The following JAKMIP1 variants were observed in gnomAD, a reference collection of about 807,000 sequenced individuals.
JAKMIP1 encodes janus kinase and microtubule-interacting protein 1.
In JAKMIP1, 33 loss-of-function variants were observed where a neutral mutation model predicts 113.0. That is an observed-to-expected ratio of 0.29 (90% confidence interval 0.22 to 0.39). The LOEUF is 0.39. Among genes scored for constraint, JAKMIP1 ranks in the 10% least tolerant of loss-of-function variants. JAKMIP1 has a pLI of 1.00. For missense variants in JAKMIP1, 813 were observed against 1,080.5 expected (o/e 0.75, Z 3.47); for synonymous variants, 480 against 459.9 (o/e 1.04, Z -0.56).
At chr4:6,148,718 T>A (rs1235118799) in intron 1 of JAKMIP1, among the ~76,000 whole-genome samples, 1 of 152,234 alleles carries the variant, frequency 6.6e-6, no homozygotes. Context: ...TGTTTATCAC[T>A]GTGCCTCCAA....
At position 6,059,429 on chromosome 4, in the gene JAKMIP1, C is replaced by T. The variant is rs374304486; in HGVS notation, c.1644+995G>A. 5.3e-4 allele frequency among the ~76,000 whole-genome samples: 80 copies of T among 152,268 alleles called. 1 individual carries two copies. Among genetic ancestry groups the T allele is most frequent in the African/African-American group, 1.8e-3 (74 of 41,568 alleles). On this transcript the variant is annotated intron_variant, in intron 11 of 20. Transcript: ENST00000409021. This position sits in a 1 kb window ranked among gnomAD's most constrained non-coding sequence, Gnocchi z 4.8. ...CCTCTTACACCCCTTGCTTCACACC[C>T]GCCTCCTCCCACTGTATCCCACCAG...
At chr4:6,132,400 G>C (rs1718624317) in intron 1 of JAKMIP1, among the ~76,000 whole-genome samples, 1 of 152,224 alleles carries the variant, frequency 6.6e-6, no homozygotes, top group South Asian at 2.1e-4. Context: ...CTAGCACTTT[G>C]GGAGGCCGAG....
At chr4:6,092,160 C>T (rs1042849330) in intron 3 of JAKMIP1, among the ~76,000 whole-genome samples, 1 of 152,138 alleles carries the variant, frequency 6.6e-6, no homozygotes, top group African/African-American at 2.4e-5. Flanking sequence ...ACTGGGTGTC[C>T]CGCCCCCTCC....
At chr4:6,085,067 G>A (rs1417358872) in intron 4 of JAKMIP1, 102 bp from the exon 5 acceptor site, 14 of 1,379,252 alleles carry the variant, frequency 1.0e-5, no homozygotes, top group Non-Finnish European at 3.9e-6. Flanking sequence ...TAATGGGTGA[G>A]ATCCTTATTC....
rs555456511 is a variant in JAKMIP1 at position 6,128,384 on chromosome 4, G to C, written c.-147-15387C>G. The stretch of plus-strand genomic sequence containing the variant: ...TGTTCTCCAAATGGGTGGACAGAAG[G>C]CCACCTGCTTCCGTAGCTGGGGCCC... On this transcript the variant is annotated intron_variant, in intron 1 of 20. Coordinates refer to ENST00000409021, the MANE Select transcript of JAKMIP1 (RefSeq NM_001099433.2). Among the ~76,000 whole-genome samples the C allele has an allele frequency of 8.7e-4, 133 of 152,254 alleles. 5 individuals are homozygous for C. The South Asian group carries it at 0.027, about 31-fold the overall frequency.
intron 9 of JAKMIP1, among the ~76,000 whole-genome samples, chr4:6,062,844 G>T (rs1236558056): frequency 6.6e-6 from 1 of 152,232 alleles, no homozygotes; most frequent in East Asian, 1.9e-4. Context: ...CTCCCATTCT[G>T]GGAATTTATC....
At chr4:6,130,818 A>G (rs1297503626) in intron 1 of JAKMIP1, among the ~76,000 whole-genome samples, 2 of 152,142 alleles carry the variant, frequency 1.3e-5, no homozygotes, top group Non-Finnish European at 2.9e-5. Flanking sequence ...ACGTCAATAG[A>G]ATATTTCCTA....
chr4:6,028,622 T>A (rs2108740239), intron 20 of JAKMIP1, among the ~76,000 whole-genome samples: 1 of 152,292 alleles, frequency 6.6e-6, no homozygotes, highest in Non-Finnish European at 1.5e-5. Flanking sequence ...CCCTGGTTTG[T>A]CCCTGAAATA....
chr4:6,083,971 A>G lies in JAKMIP1; in HGVS notation c.954+875T>C, dbSNP rs185290135. Among the ~76,000 whole-genome samples, 56 of 152,338 alleles carry G rather than the reference A, an allele frequency of 3.7e-4. No homozygotes were observed. In the East Asian group the frequency reaches 0.011, roughly 29 times the overall value. On this transcript the variant is annotated intron_variant, in intron 5 of 20. Transcript: ENST00000409021. ...TACAAGTATATAAAATTTTATGCAAAAAAGTAAATACATAAGCACAAATTA... is the reference window on the plus strand; with the variant it reads ...TACAAGTATATAAAATTTTATGCAAGAAAGTAAATACATAAGCACAAATTA...
chr4:6,106,351 G>A lies in JAKMIP1; in HGVS notation c.130-384C>T, dbSNP rs1235420278. Among the ~76,000 whole-genome samples, 1 of 151,988 alleles carries A rather than the reference G, an allele frequency of 6.6e-6. No individual in the cohort carries two copies. The highest frequency in any genetic ancestry group is 2.1e-4 in the South Asian group (1 of 4,798). On this transcript the variant is annotated intron_variant, in intron 2 of 20. Coordinates refer to ENST00000409021, the MANE Select transcript of JAKMIP1 (RefSeq NM_001099433.2). This position sits in a 1 kb window ranked among gnomAD's most constrained non-coding sequence, Gnocchi z 5.9. Reference sequence around the variant, plus strand: ...GAAATATATTTCCAGGGCCCCATGCGCGGACTGTGGAGTTGGAAAAGACAG... The same window carrying A: ...GAAATATATTTCCAGGGCCCCATGCACGGACTGTGGAGTTGGAAAAGACAG...
chr4:6,145,934 C>T (rs1056318332), intron 1 of JAKMIP1, among the ~76,000 whole-genome samples: 1 of 152,078 alleles, frequency 6.6e-6, no homozygotes, highest in African/African-American at 2.4e-5. Context: ...GCCGTATCTC[C>T]AAATACTGTC....
Position 6,158,313 on chromosome 4 carries a change from A to C in JAKMIP1, c.-148+41940T>G, listed in dbSNP as rs758805859. 1.3e-5 allele frequency among the ~76,000 whole-genome samples: 2 copies of C among 152,158 alleles called. No homozygotes were observed. The highest frequency in any genetic ancestry group is 1.3e-4 in the Admixed American group (2 of 15,278). On this transcript the variant is annotated intron_variant, in intron 1 of 20. Coordinates refer to ENST00000409021, the MANE Select transcript of JAKMIP1 (RefSeq NM_001099433.2). This position sits in a 1 kb window ranked among gnomAD's most constrained non-coding sequence, Gnocchi z 5.3. ...AAGCCCAGAACCTAACATCATAGGGATGGTAGTGGGATGGGGTGGTGTCTG... is the reference window on the plus strand; with the variant it reads ...AAGCCCAGAACCTAACATCATAGGGCTGGTAGTGGGATGGGGTGGTGTCTG...
chr4:6,173,862 G>C (rs1453469701), intron 1 of JAKMIP1, among the ~76,000 whole-genome samples: 1 of 152,118 alleles, frequency 6.6e-6, no homozygotes, highest in East Asian at 1.9e-4. Flanking sequence ...GATCGCTCGA[G>C]GCCAAGAGTT....
At chr4:6,161,915 C>G (rs761520746) in intron 1 of JAKMIP1, among the ~76,000 whole-genome samples, 1 of 152,192 alleles carries the variant, frequency 6.6e-6, no homozygotes, top group Non-Finnish European at 1.5e-5. Flanking sequence ...AGCTTTCTTG[C>G]TGGGACACCT....
chr4:6,039,630 G>A (rs1578059222), intron 18 of JAKMIP1, among the ~76,000 whole-genome samples: 2 of 152,130 alleles, frequency 1.3e-5, no homozygotes, highest in Middle Eastern at 3.2e-3. Context: ...AACCAGAAAC[G>A]ATAGCCCAGA....
rs185813313 is a variant in JAKMIP1 at position 6,135,120 on chromosome 4, A to G, written c.-147-22123T>C. 1.6e-3 allele frequency among the ~76,000 whole-genome samples: 250 copies of G among 152,070 alleles called. No individual in the cohort carries two copies. Among genetic ancestry groups the G allele is most frequent in the Middle Eastern group, 3.4e-3 (1 of 294 alleles). On this transcript the variant is annotated intron_variant, in intron 1 of 20. Coordinates refer to ENST00000409021, the MANE Select transcript of JAKMIP1 (RefSeq NM_001099433.2). The surrounding 1 kb of genome is among the most constrained non-coding windows in gnomAD (Gnocchi z 4.9). ...CTCCTCCCCATCCTCTCCCATTCTC[A>G]AGCCATGGTATATGGGCTGACTCGT...
chr4:6,173,125 A>G (rs1345334144), intron 1 of JAKMIP1, among the ~76,000 whole-genome samples: 5 of 152,190 alleles, frequency 3.3e-5, no homozygotes, highest in Non-Finnish European at 7.3e-5. Flanking sequence ...CACAGGAAAA[A>G]GTTCAGGAGA....
Position 6,027,724 on chromosome 4 carries a change from G to A in JAKMIP1, c.2446-1446C>T, listed in dbSNP as rs576873384. On this transcript the variant is annotated intron_variant, in intron 20 of 20. Transcript: ENST00000409021. ...AAACATAGGCTTTGAGAAAAGAGTC[G>A]AAAAAAGAGCCAGAAAGACGATTCC... 5.9e-5 allele frequency among the ~76,000 whole-genome samples: 9 copies of A among 152,218 alleles called. No homozygotes were observed. The East Asian group carries it at 1.2e-3, about 20-fold the overall frequency.
rs1038244071 is a variant in JAKMIP1 at position 6,185,735 on chromosome 4, C to G, written c.-148+14518G>C. On this transcript the variant is annotated intron_variant, in intron 1 of 20. Coordinates refer to ENST00000409021, the MANE Select transcript of JAKMIP1 (RefSeq NM_001099433.2). The surrounding 1 kb of genome is among the most constrained non-coding windows in gnomAD (Gnocchi z 5.3). ...GAGGACCTGTGGTTCTGAGCTGCTC[C>G]CAGGTGAGGCTGCTGCTGGCCCAGG... is the stretch of plus-strand genomic sequence containing the variant. Among the ~76,000 whole-genome samples the G allele has an allele frequency of 1.3e-5, 2 of 152,162 alleles. No homozygotes were observed. Among genetic ancestry groups the G allele is most frequent in the Non-Finnish European group, 2.9e-5 (2 of 68,028 alleles).
Sources: gnomAD v4.1 joint callset for allele counts (sites outside exome capture counted in the v4.1 genomes callset) on GRCh38, gnomAD v4.1.1 for gene constraint, Gnocchi (gnomAD v3.1) non-coding constraint, MANE v1.5 for transcripts, NCBI Gene and HGNC (gene_info 2026-07-23, HGNC 2026-07-21) for gene names.